Variants in FKTN observed in about 807,000 individuals in gnomAD.
The protein encoded by FKTN is fukutin, also known as ribitol-5-phosphate transferase FKTN.
FKTN carries 47 observed loss-of-function variants against 58.6 expected under a neutral mutation model. The ratio of observed to expected loss-of-function variants is 0.80; its 90% CI spans 0.63 to 1.02. The LOEUF (loss-of-function observed/expected upper bound fraction) is 1.02. Ranked by LOEUF, FKTN falls within the 50% of genes least tolerant of loss-of-function variation. The probability of loss-of-function intolerance (pLI) is 0.00; values close to 1 mark genes in which losing one functional copy is unlikely to be tolerated. For missense variants in FKTN, 516 were observed against 537.3 expected, an observed-to-expected ratio of 0.96 and a Z score of 0.39; for synonymous variants, 178 against 191.9, an observed-to-expected ratio of 0.93 and a Z score of 0.60.
At chr9:105,634,153 A>C (rs1181096048) in intron 10 of FKTN, among the ~76,000 whole-genome samples, 1 of 151,322 alleles carries the variant, frequency 6.6e-6, no homozygotes, top group Non-Finnish European at 1.5e-5. Context: ...TTTTTTTGAG[A>C]CAGGGTCTCA....
At chr9:105,624,452 C>A (rs1422594701) in intron 10 of FKTN, 1 of 151,754 alleles carries the variant, frequency 6.6e-6, no homozygotes, top group Non-Finnish European at 1.5e-5. Flanking sequence ...ACAGAATAAA[C>A]CCTGGCTTTA....
intron 3 of FKTN, 48 bp from the exon 4 acceptor site, chr9:105,596,550 C>A: frequency 8.5e-7 from 1 of 1,176,184 alleles, no homozygotes; most frequent in Non-Finnish European, 1.3e-6. Context: ...TGTAATGTTG[C>A]ATGCTGGACT....
intron 3 of FKTN, among the ~76,000 whole-genome samples, chr9:105,581,903 A>T (rs1348886377): frequency 6.6e-6 from 1 of 152,084 alleles, no homozygotes; most frequent in African/African-American, 2.4e-5. Context: ...GAAAAGCGCA[A>T]TATTCGGGTG....
At chr9:105,588,912 T>C (rs999010076) in intron 3 of FKTN, among the ~76,000 whole-genome samples, 1 of 152,170 alleles carries the variant, frequency 6.6e-6, no homozygotes, top group Non-Finnish European at 1.5e-5. Context: ...CGGCTGGAGA[T>C]TGCAAACTGG....
In FKTN at chr9:105,637,751, G is replaced by T; in HGVS notation, c.*2487G>T. 1.0e-6 allele frequency: 1 copy of T among 985,362 alleles called. No individual in the cohort carries two copies. Among genetic ancestry groups the T allele is most frequent in the Non-Finnish European group, 1.2e-6 (1 of 829,908 alleles). 61.0% of individuals were successfully genotyped at this position (985,362 alleles called of 1,614,324 possible). On this transcript the variant is annotated 3_prime_UTR_variant, in exon 11 of 11. Transcript: ENST00000357998. Reference sequence around the variant, plus strand: ...ATGAATGTCTCCAGAGACATCCTGAGAGGCAAGATTCCTCTTAATTGATAA... The same window carrying T: ...ATGAATGTCTCCAGAGACATCCTGATAGGCAAGATTCCTCTTAATTGATAA...
In FKTN at chr9:105,575,104, G is replaced by T; in HGVS notation, c.72G>T (p.Gln24His). 1.9e-6 allele frequency: 3 copies of T among 1,608,022 alleles called. No homozygotes were observed. The highest frequency in any genetic ancestry group is 2.6e-6 in the Non-Finnish European group (3 of 1,174,620). The change falls in exon 3 of 11, where the codon CAG (glutamine) becomes CAT (histidine). Residue 24 changes from glutamine (Q) to histidine (H), a missense_variant. Coordinates refer to ENST00000357998, the MANE Select transcript of FKTN (RefSeq NM_001079802.2). ...TLTSSAFLLFQLYYYKHYLST... is the reference protein window; with the variant it reads ...TLTSSAFLLFHLYYYKHYLST... ...CAAGTTCTGCATTTCTGCTGTTTCA[G>T]TTGTACTACTACAAGCACTATTTAT...
At chr9:105,582,059 C>T (rs1041384227) in intron 3 of FKTN, among the ~76,000 whole-genome samples, 1 of 152,140 alleles carries the variant, frequency 6.6e-6, no homozygotes, top group Non-Finnish European at 1.5e-5. Flanking sequence ...AGCCTGCGCC[C>T]ACTGTCTGGC....
intron 8 of FKTN, among the ~76,000 whole-genome samples, chr9:105,616,832 A>G (rs987136100): frequency 2.6e-5 from 4 of 152,066 alleles, no homozygotes; most frequent in African/African-American, 9.7e-5. Flanking sequence ...CCTTTGTTGA[A>G]AATTTACATG....
chr9:105,620,571 T>C (rs1831704454), intron 10 of FKTN, among the ~76,000 whole-genome samples: 1 of 152,190 alleles, frequency 6.6e-6, no homozygotes, highest in Non-Finnish European at 1.5e-5. Flanking sequence ...ATCTCAGCTC[T>C]TTATTTTACC....
chr9:105,564,717 G>C (rs1217180823), intron 1 of FKTN, among the ~76,000 whole-genome samples: 2 of 152,298 alleles, frequency 1.3e-5, no homozygotes, highest in South Asian at 2.1e-4. Flanking sequence ...AAGTTGGAAA[G>C]TACTTTGCAG....
intron 10 of FKTN, among the ~76,000 whole-genome samples, chr9:105,625,605 A>G (rs1832650098): frequency 6.6e-6 from 1 of 152,220 alleles, no homozygotes; most frequent in Non-Finnish European, 1.5e-5. Flanking sequence ...GGTGACCGGA[A>G]GAAATGGTAA....
rs778424333 is a variant in FKTN, at chr9:105,617,960, A to G, written c.912A>G (p.Gly304=). The G allele has an allele frequency of 3.2e-6, 5 of 1,573,346 alleles. No homozygotes were observed. Among genetic ancestry groups the G allele is most frequent in the Middle Eastern group, 1.8e-4 (1 of 5,488 alleles). The change falls in exon 9 of 11, where the codon GGA becomes GGG. Residue 304 remains glycine, a splice_region_variant and synonymous_variant. Coordinates refer to ENST00000357998, the MANE Select transcript of FKTN (RefSeq NM_001079802.2). ...AAAAAAATTTAATCTTCTTTTTAGGATGGTATCGACAATGCAACATTATTC... is the reference window on the plus strand; with the variant it reads ...AAAAAAATTTAATCTTCTTTTTAGGGTGGTATCGACAATGCAACATTATTC... ...PFWLSSGTCL[G]WYRQCNIIPY...
chr9:105,635,400 C>A lies in FKTN; in HGVS notation c.*136C>A, dbSNP rs1396384944. ...ACAAGTTTGAAGACACAGAAAGAGTCATCTGATGTAATTCTCTCACTTAGT... is the reference window on the plus strand; with the variant it reads ...ACAAGTTTGAAGACACAGAAAGAGTAATCTGATGTAATTCTCTCACTTAGT... On this transcript the variant is annotated 3_prime_UTR_variant, in exon 11 of 11. Transcript: ENST00000357998. The A allele has an allele frequency of 5.3e-6, 8 of 1,506,148 alleles. 1 individual carries two copies. The Middle Eastern group carries it at 9.2e-4, about 172-fold the overall frequency. The allele number at this position is 1,506,148 out of a possible 1,614,324, so 93.3% of individuals were successfully genotyped here. A position where few individuals can be genotyped will look rare whatever the true frequency, so the allele number is the denominator to read the frequency against.
chr9:105,567,802 A>G (rs1839955224), intron 1 of FKTN, among the ~76,000 whole-genome samples: 1 of 152,270 alleles, frequency 6.6e-6, no homozygotes. Context: ...TTTAGAGTTC[A>G]TATGGAAGCA....
chr9:105,621,585 T>A (rs1169804220), intron 10 of FKTN, among the ~76,000 whole-genome samples: 3 of 152,092 alleles, frequency 2.0e-5, no homozygotes, highest in African/African-American at 7.2e-5. Context: ...TAACCATGAT[T>A]ACTCATTTCT....
At chr9:105,605,505 A>G (rs577660623) in intron 6 of FKTN, among the ~76,000 whole-genome samples, 1 of 152,328 alleles carries the variant, frequency 6.6e-6, no homozygotes, top group Admixed American at 6.5e-5. Context: ...ATAACTAACA[A>G]TATAGCCAAA....
At chr9:105,607,784 A>G (rs1287717568) in intron 6 of FKTN, 35 bp from the exon 7 acceptor site, 2 of 1,546,098 alleles carry the variant, frequency 1.3e-6, no homozygotes, top group African/African-American at 2.8e-5. Context: ...TGTTTCCCCC[A>G]CCCCTCATTA....
At position 105,640,492 on chromosome 9, in the gene FKTN, G is replaced by A; in HGVS notation, c.*5228G>A. 6.0e-6 allele frequency: 1 copy of A among 167,172 alleles called. No individual in the cohort carries two copies. Among genetic ancestry groups the A allele is most frequent in the Non-Finnish European group, 1.3e-5 (1 of 78,226 alleles). The allele number at this position is 167,172 out of a possible 1,614,324, so 10.4% of individuals were successfully genotyped here. A position where few individuals can be genotyped will look rare whatever the true frequency, so the allele number is the denominator to read the frequency against. ...CACTTGAACCCGGGAAGCAGAGTCT[G>A]CAGTGAGCCAAGATCGCGGCATTGC... On this transcript the variant is annotated 3_prime_UTR_variant, in exon 11 of 11. Coordinates refer to ENST00000357998, the MANE Select transcript of FKTN (RefSeq NM_001079802.2).
intron 4 of FKTN, among the ~76,000 whole-genome samples, chr9:105,600,049 A>G (rs1354965019): frequency 1.3e-5 from 2 of 151,652 alleles, no homozygotes; most frequent in Non-Finnish European, 2.9e-5. Context: ...GTTAAATTGT[A>G]TTTTTAAAGA....
Sources: gnomAD v4.1 joint callset for allele counts (sites outside exome capture counted in the v4.1 genomes callset) on GRCh38, gnomAD v4.1.1 for gene constraint, MANE v1.5 for transcripts, NCBI Gene and HGNC (gene_info 2026-07-23, HGNC 2026-07-21) for gene names.